The following GRIN2C variants were observed in gnomAD, a reference collection of about 807,000 sequenced individuals.
GRIN2C encodes the protein glutamate receptor ionotropic, NMDA 2C.
GRIN2C carries 64 observed loss-of-function variants against 77.7 expected under a neutral mutation model. That is an observed-to-expected ratio of 0.82 (90% CI 0.67 to 1.01). GRIN2C has a LOEUF of 1.01. Ranked by LOEUF, GRIN2C falls within the 50% of genes least tolerant of loss-of-function variation. The pLI, the probability that GRIN2C is intolerant of heterozygous loss-of-function variation, is 0.00. For missense variants in GRIN2C, 1,549 were observed against 1,486.0 expected (o/e 1.04, Z -0.70); for synonymous variants, 792 against 643.4 (o/e 1.23, Z -3.49).
At chr17:74,848,919 A>C (rs1370959889) in intron 7 of GRIN2C, among the ~76,000 whole-genome samples, 1 of 151,714 alleles carries the variant, frequency 6.6e-6, no homozygotes, top group African/African-American at 2.4e-5. Flanking sequence ...CAAGAGGCTG[A>C]GGTGGGAGGA....
chr17:74,852,467 C>A lies in GRIN2C; in HGVS notation c.544G>T (p.Val182Leu). The A allele has an allele frequency of 6.4e-7, 1 of 1,554,228 alleles. No homozygotes were observed. ...HPGHALFLEG[V>L]RAVADASHVS... ...TGGCTGGCGTCGGCGACGGCGCGCA[C>A]GCCCTCCAGGAAGAGCGCGTGGCCC... is the stretch of plus-strand genomic sequence containing the variant. Residue 182 changes from valine (V) to leucine (L), a missense_variant, in exon 3 of 13, where the codon GTG becomes TTG. Val to Leu is a conservative substitution (Grantham distance 32). Around this residue, in one of 3 missense-constraint regions of GRIN2C, gnomAD observed 382 missense variants for 360.0 expected, o/e 1.06. Transcript: ENST00000293190.
Position 74,842,160 on chromosome 17 carries a change from C to A in GRIN2C, c.*275G>T. The A allele has an allele frequency of 2.3e-6, 1 of 428,476 alleles. No individual in the cohort carries two copies. Among genetic ancestry groups the A allele is most frequent in the Non-Finnish European group, 4.1e-6 (1 of 240,976 alleles). The allele number at this position is 428,476 out of a possible 1,614,324, so 26.5% of individuals were successfully genotyped here. A position where few individuals can be genotyped will look rare whatever the true frequency, so the allele number is the denominator to read the frequency against. ...CACAGCAGCCATGACCAGTAACTGG[C>A]TAGCCCCAGGGAAGGGAGAGCCTCA... On this transcript the variant is annotated 3_prime_UTR_variant, in exon 13 of 13. Transcript: ENST00000293190.
intron 1 of GRIN2C, among the ~76,000 whole-genome samples, chr17:74,858,523 C>T (rs1004279635): frequency 2.6e-5 from 4 of 151,958 alleles, no homozygotes; most frequent in Non-Finnish European, 4.4e-5. Context: ...CTCATCACCC[C>T]GTCTAACCCA....
chr17:74,848,237 T>C (rs1248855202), intron 7 of GRIN2C, among the ~76,000 whole-genome samples: 2 of 150,726 alleles, frequency 1.3e-5, no homozygotes, highest in East Asian at 3.9e-4. Context: ...CCAAGAAACG[T>C]TCCTTTGACT....
chr17:74,850,249 T>C lies in GRIN2C; in HGVS notation c.1448A>G (p.His483Arg). The C allele has an allele frequency of 1.9e-6, 3 of 1,613,794 alleles. No homozygotes were observed. The highest frequency in any genetic ancestry group is 1.7e-6 in the Non-Finnish European group (2 of 1,179,986). ...YDLYLVTNGK[H>R]GKRVRGVWNG... ...CCATACGCCGCGCACCCGCTTGCCA[T>C]GCTTGCCGTTGGTCACCAGGTACAG... The change falls in exon 6 of 13, where the codon CAT becomes CGT. Residue 483 changes from histidine (H) to arginine (R), a missense_variant. This residue lies in a region of GRIN2C where 717 missense variants were observed against 858.1 expected (regional missense o/e 0.84). Coordinates refer to ENST00000293190, the MANE Select transcript of GRIN2C (RefSeq NM_000835.6). The surrounding 1 kb of genome is among the most constrained non-coding windows in gnomAD (Gnocchi z 5.3).
rs543523665 is a variant in GRIN2C, at chr17:74,849,436, G to T, written c.1645+344C>A. ...ACACACCTCTTCGCACACTACACTC[G>T]CTCCTCAACTCCCCACGGGCCTCCC... On this transcript the variant is annotated intron_variant, in intron 7 of 12. Transcript: ENST00000293190. The surrounding 1 kb of genome is among the most constrained non-coding windows in gnomAD (Gnocchi z 4.6). Among the ~76,000 whole-genome samples the T allele has an allele frequency of 6.6e-6, 1 of 152,008 alleles. No individual in the cohort carries two copies. Among genetic ancestry groups the T allele is most frequent in the African/African-American group, 2.4e-5 (1 of 41,390 alleles).
rs745973501 is a variant in GRIN2C, at chr17:74,850,390, G to A, written c.1326-19C>T. ...CCCGCTGCTGCAGCCATGCCGCCAT[G>A]AGACCACCGGGAGTCAGAGTATGTC... On this transcript the variant is annotated intron_variant, in intron 5 of 12. Coordinates refer to ENST00000293190, the MANE Select transcript of GRIN2C (RefSeq NM_000835.6). The surrounding 1 kb of genome is among the most constrained non-coding windows in gnomAD (Gnocchi z 5.3). 22 of 1,605,850 alleles carry A rather than the reference G, an allele frequency of 1.4e-5. 1 individual carries two copies. The East Asian group carries it at 4.5e-4, about 33-fold the overall frequency.
rs1310045854 is a variant in GRIN2C, at chr17:74,846,924, C to T, written c.2002-4G>A. 6.2e-7 allele frequency: 1 copy of T among 1,603,708 alleles called. No homozygotes were observed. The highest frequency in any genetic ancestry group is 1.7e-5 in the Admixed American group (1 of 59,656). On this transcript the variant is annotated splice_region_variant and splice_polypyrimidine_tract_variant and intron_variant, in intron 9 of 12. Coordinates refer to ENST00000293190, the MANE Select transcript of GRIN2C (RefSeq NM_000835.6). The surrounding 1 kb of genome is among the most constrained non-coding windows in gnomAD (Gnocchi z 4.4). ...ACTGATCTTGAGGCCGCTGAAACTGCAGGCGGAGGGCAGCAGCCAGTCACA... is the reference window on the plus strand; with the variant it reads ...ACTGATCTTGAGGCCGCTGAAACTGTAGGCGGAGGGCAGCAGCCAGTCACA...
rs779240052 is a variant in GRIN2C, at chr17:74,846,120, CCTT to C, written c.2293_2295del (p.Lys765del). 3.1e-5 allele frequency: 50 copies of C among 1,614,078 alleles called. No homozygotes were observed. Among genetic ancestry groups the C allele is most frequent in the East Asian group, 1.1e-4 (5 of 44,898 alleles). The stretch of plus-strand genomic sequence containing the variant: ...TCTATGGCCCGCTTCCAGTGGGAGT[CCTT>C]CTGCATGGCGATGCCGTAGCCAGTG... On this transcript the variant is annotated inframe_deletion, in exon 11 of 13. Coordinates refer to ENST00000293190, the MANE Select transcript of GRIN2C (RefSeq NM_000835.6). The surrounding 1 kb of genome is among the most constrained non-coding windows in gnomAD (Gnocchi z 4.4).
In GRIN2C at chr17:74,848,520, C is replaced by T. The variant is rs113818838; in HGVS notation, c.1646-543G>A. On this transcript the variant is annotated intron_variant, in intron 7 of 12. Transcript: ENST00000293190. ...TTCGAGACCAGCCTGGCCAACATGG[C>T]GAAACCCTGTCTCTACTAAAAATAC... is the stretch of plus-strand genomic sequence containing the variant. 3.6e-3 allele frequency among the ~76,000 whole-genome samples: 553 copies of T among 151,966 alleles called. 4 individuals carry two copies. The highest frequency in any genetic ancestry group is 6.2e-3 in the Non-Finnish European group (420 of 67,942).
At chr17:74,856,530 G>A (rs2037825356) in intron 1 of GRIN2C, among the ~76,000 whole-genome samples, 1 of 147,980 alleles carries the variant, frequency 6.8e-6, no homozygotes. Context: ...CCAGACTGGA[G>A]TGCAGTGGTG....
chr17:74,849,861 A>G lies in GRIN2C; in HGVS notation c.1564T>C (p.Phe522Leu). 5 of 1,613,602 alleles carry G rather than the reference A, an allele frequency of 3.1e-6. No homozygotes were observed. Among genetic ancestry groups the G allele is most frequent in the Non-Finnish European group, 4.2e-6 (5 of 1,179,842 alleles). Residue 522 changes from phenylalanine (F) to leucine (L), a missense_variant, in exon 7 of 13, where the codon TTC becomes CTC. Coordinates refer to ENST00000293190, the MANE Select transcript of GRIN2C (RefSeq NM_000835.6). This position sits in a 1 kb window ranked among gnomAD's most constrained non-coding sequence, Gnocchi z 4.6. ...CCCGTCTCCACAAAGGGTACAGAGA[A>G]GTCTACGATCTCGGAGCGTTCCTCA... ...INEERSEIVD[F>L]SVPFVETGIS...
chr17:74,845,287 C>T lies in GRIN2C; in HGVS notation c.2350+779G>A, dbSNP rs1598473749. Among the ~76,000 whole-genome samples the T allele has an allele frequency of 5.8e-5, 6 of 102,906 alleles. No individual in the cohort carries two copies. In the South Asian group the frequency reaches 2.0e-3, roughly 34 times the overall value. 67.5% of individuals were successfully genotyped at this position (102,906 alleles called of 152,430 possible). A position where few individuals can be genotyped will look rare whatever the true frequency, so the allele number is the denominator to read the frequency against. Reference sequence around the variant, plus strand: ...TTTTTTTTTTTTTTTTTTTTTGAGACAGGGTCTCACTCTGTCACCCAGGCT... The same window carrying T: ...TTTTTTTTTTTTTTTTTTTTTGAGATAGGGTCTCACTCTGTCACCCAGGCT... On this transcript the variant is annotated intron_variant, in intron 11 of 12. Transcript: ENST00000293190.
At chr17:74,858,049 A>C (rs2037861836) in intron 1 of GRIN2C, among the ~76,000 whole-genome samples, 1 of 152,076 alleles carries the variant, frequency 6.6e-6, no homozygotes, top group Non-Finnish European at 1.5e-5. Context: ...CCCTGGATGA[A>C]GGGCCCAGGC....
At chr17:74,851,034 G>T (rs977359504) in intron 4 of GRIN2C, 14 of 546,880 alleles carry the variant, frequency 2.6e-5, no homozygotes, top group South Asian at 6.7e-5. Context: ...AACGTCCTTA[G>T]CTGAGCACTC....
rs112820243 is a variant in GRIN2C, at chr17:74,852,776, C to T, written c.400-165G>A. On this transcript the variant is annotated intron_variant, in intron 2 of 12. Coordinates refer to ENST00000293190, the MANE Select transcript of GRIN2C (RefSeq NM_000835.6). Reference sequence around the variant, plus strand: ...GCCTCCCTCCCGCCCCAATGTGGTTCCCCGCTGCCTAGTAGCATGGTCATG... The same window carrying T: ...GCCTCCCTCCCGCCCCAATGTGGTTTCCCGCTGCCTAGTAGCATGGTCATG... The T allele has an allele frequency of 5.3e-3, 2,481 of 463,948 alleles. 51 individuals carry two copies. Among genetic ancestry groups the T allele is most frequent in the African/African-American group, 0.04 (1,970 of 48,900 alleles). The allele number at this position is 463,948 out of a possible 1,614,324, so 28.7% of individuals were successfully genotyped here.
upstream of GRIN2C, chr17:74,860,455 G>A: frequency 2.2e-6 from 1 of 456,736 alleles, no homozygotes; most frequent in Non-Finnish European, 4.4e-6. Context: ...TCACCCAGCA[G>A]CTCCTTGCAG....
intron 1 of GRIN2C, 98 bp from the exon 2 acceptor site, chr17:74,855,205 T>G: frequency 1.0e-6 from 1 of 988,956 alleles, no homozygotes; most frequent in East Asian, 2.6e-5. Context: ...ATACGGAAGA[T>G]GAAAGAGAAG....
chr17:74,842,586 G>A lies in GRIN2C; in HGVS notation c.3551C>T (p.Pro1184Leu), dbSNP rs550021747. The A allele has an allele frequency of 1.3e-6, 1 of 769,620 alleles. No homozygotes were observed. Among genetic ancestry groups the A allele is most frequent in the South Asian group, 1.4e-5 (1 of 73,134 alleles). The allele number at this position is 769,620 out of a possible 1,614,324, so 47.7% of individuals were successfully genotyped here. A position where few individuals can be genotyped will look rare whatever the true frequency, so the allele number is the denominator to read the frequency against. Residue 1184 changes from proline (P) to leucine (L), a missense_variant, in exon 13 of 13, where the codon CCT (proline) becomes CTT (leucine). By Grantham distance (98) the Pro-to-Leu change is moderately conservative (BLOSUM62 -3). Transcript: ENST00000293190. Reference sequence around the variant, plus strand: ...CAGAGTCCTGCCCCTGTGCCCCAGAGGCCCCCAGGCCCCGGAGAGCCAGGA... The same window carrying A: ...CAGAGTCCTGCCCCTGTGCCCCAGAAGCCCCCAGGCCCCGGAGAGCCAGGA... ...HGSWLSGAWG[P>L]LGHRGRTLGL...
Sources: allele counts gnomAD v4.1 joint callset (sites outside exome capture counted in the v4.1 genomes callset), GRCh38; gene constraint gnomAD v4.1.1; regional missense constraint gnomAD v4.1.1; non-coding constraint Gnocchi (gnomAD v3.1); transcripts MANE v1.5; gene names NCBI Gene and HGNC (gene_info 2026-07-23, HGNC 2026-07-21).